Variants in EXOC4 observed in about 807,000 individuals in gnomAD.
EXOC4 encodes exocyst complex component 4.
EXOC4 carries 71 observed loss-of-function variants against 107.2 expected under a neutral mutation model. The ratio of observed to expected loss-of-function variants is 0.66; its 90% CI spans 0.55 to 0.81. EXOC4 has a LOEUF of 0.81. EXOC4 is among the 30% of genes least tolerant of loss of function. EXOC4 has a pLI of 0.00. For synonymous variants in EXOC4, 456 were observed against 441.2 expected (o/e 1.03, Z -0.42); for missense variants, 1,108 against 1,189.6 (o/e 0.93, Z 1.01).
intron 1 of EXOC4, among the ~76,000 whole-genome samples, chr7:133,256,193 G>A (rs750310426): frequency 6.6e-6 from 1 of 152,202 alleles, no homozygotes; most frequent in Non-Finnish European, 1.5e-5. Context: ...ATGTTAGCCA[G>A]GATGGTTTTG....
At chr7:133,255,301 C>G (rs565698583) in intron 1 of EXOC4, among the ~76,000 whole-genome samples, 1 of 152,160 alleles carries the variant, frequency 6.6e-6, no homozygotes, top group Non-Finnish European at 1.5e-5. Flanking sequence ...TTCAGCTTCC[C>G]GCATAGCTGG....
intron 14 of EXOC4, among the ~76,000 whole-genome samples, chr7:133,990,509 G>T (rs1794226784): frequency 6.6e-6 from 1 of 152,156 alleles, no homozygotes; most frequent in Non-Finnish European, 1.5e-5. Context: ...GAGTGCAGTG[G>T]CGCAATCTCG....
At chr7:133,843,510 T>C (rs559362056) in intron 11 of EXOC4, among the ~76,000 whole-genome samples, 3 of 152,336 alleles carry the variant, frequency 2.0e-5, no homozygotes, top group Admixed American at 2.0e-4. Context: ...TTTTTGTACA[T>C]TGATTTTGTA....
chr7:133,965,864 A>G (rs561881287), intron 14 of EXOC4, among the ~76,000 whole-genome samples: 1 of 152,300 alleles, frequency 6.6e-6, no homozygotes, highest in South Asian at 2.1e-4. Flanking sequence ...CCATGAAGAA[A>G]GCCAATGGTA....
chr7:133,462,679 T>G lies in EXOC4; in HGVS notation c.1183-12649T>G, dbSNP rs540145802. On this transcript the variant is annotated intron_variant, in intron 7 of 17. Coordinates refer to ENST00000253861, the MANE Select transcript of EXOC4 (RefSeq NM_021807.4). ...CTCATACCCCAAGCTTTAAAAAAAT[T>G]TTTTATATTTTTCCCTGGTACCTGA... Among the ~76,000 whole-genome samples, 268 of 152,272 alleles carry G rather than the reference T, an allele frequency of 1.8e-3. 1 individual carries two copies. The highest frequency in any genetic ancestry group is 6.0e-3 in the African/African-American group (249 of 41,562).
intron 10 of EXOC4, among the ~76,000 whole-genome samples, chr7:133,697,626 C>T (rs151186806): frequency 2.4e-4 from 36 of 152,282 alleles, no homozygotes; most frequent in African/African-American, 8.4e-4. Flanking sequence ...GTATGGGGAC[C>T]ACTGCGATGG....
intron 10 of EXOC4, among the ~76,000 whole-genome samples, chr7:133,791,312 A>G (rs1796698938): frequency 6.6e-6 from 1 of 152,214 alleles, no homozygotes. Context: ...CTATGAATCA[A>G]TTTATTTATA....
intron 7 of EXOC4, among the ~76,000 whole-genome samples, chr7:133,442,815 GT>G (rs1798133058): frequency 6.6e-6 from 1 of 152,166 alleles, no homozygotes; most frequent in Non-Finnish European, 1.5e-5. Context: ...AGTTTTGTGT[GT>G]TTTGTGTGAC....
At chr7:133,659,891 T>C (rs1263221986) in intron 10 of EXOC4, among the ~76,000 whole-genome samples, 1 of 152,220 alleles carries the variant, frequency 6.6e-6, no homozygotes, top group Non-Finnish European at 1.5e-5. Context: ...AATTTGCTTC[T>C]TAAGCAGGCT....
chr7:133,569,632 A>G (rs1800977166), intron 9 of EXOC4, among the ~76,000 whole-genome samples: 1 of 152,182 alleles, frequency 6.6e-6, no homozygotes, highest in Non-Finnish European at 1.5e-5. Flanking sequence ...TTTCAAATGT[A>G]TATACGTAGG....
At chr7:133,906,145 T>G (rs924387787) in intron 12 of EXOC4, among the ~76,000 whole-genome samples, 1 of 152,204 alleles carries the variant, frequency 6.6e-6, no homozygotes, top group African/African-American at 2.4e-5. Context: ...ATGATCTCAC[T>G]GGCCCCACTG....
downstream of EXOC4, among the ~76,000 whole-genome samples, chr7:134,069,060 G>T (rs185054865): frequency 6.6e-6 from 1 of 151,990 alleles, no homozygotes; most frequent in African/African-American, 2.4e-5. Flanking sequence ...GATTCTCTGT[G>T]ACCACCCTTT....
intron 2 of EXOC4, among the ~76,000 whole-genome samples, chr7:133,288,211 CTT>C (rs1794325420): frequency 1.3e-5 from 2 of 152,096 alleles, no homozygotes; most frequent in African/African-American, 4.8e-5. Context: ...CAAATAAAAA[CTT>C]ATTCCTATCA....
intron 12 of EXOC4, among the ~76,000 whole-genome samples, chr7:133,914,581 C>T (rs572117636): frequency 5.3e-4 from 81 of 152,026 alleles, no homozygotes; most frequent in African/African-American, 1.9e-3. Flanking sequence ...CAAGTAAGAA[C>T]TCAATTTGTA....
chr7:134,062,862 C>T (rs1796097035), intron 17 of EXOC4, among the ~76,000 whole-genome samples: 1 of 152,182 alleles, frequency 6.6e-6, no homozygotes, highest in Non-Finnish European at 1.5e-5. Flanking sequence ...TTGAAGAATC[C>T]CTATAATGCA....
At chr7:134,096,379 A>C in the EXOC4 span, among the ~76,000 whole-genome samples, 4 of 152,186 alleles carry the variant, frequency 2.6e-5, no homozygotes, top group Non-Finnish European at 5.9e-5. Flanking sequence ...TTTCTTCTCT[A>C]CTGGGTAGAG....
At chr7:133,574,748 T>C (rs1585006739) in intron 9 of EXOC4, among the ~76,000 whole-genome samples, 1 of 152,218 alleles carries the variant, frequency 6.6e-6, no homozygotes, top group Non-Finnish European at 1.5e-5. Context: ...TCTCCTCTTC[T>C]TCTCTTCATG....
intron 7 of EXOC4, among the ~76,000 whole-genome samples, chr7:133,414,448 A>G (rs1797429336): frequency 6.6e-6 from 1 of 152,202 alleles, no homozygotes; most frequent in Admixed American, 6.5e-5. Context: ...TCTGCAACTC[A>G]GCCATTCTGC....
At chr7:133,664,875 A>AGATGC (rs1793777086) in intron 10 of EXOC4, among the ~76,000 whole-genome samples, 1 of 152,114 alleles carries the variant, frequency 6.6e-6, no homozygotes, top group Admixed American at 6.5e-5. Context: ...TCTCATCCAA[A>AGATGC]GATGCAAAGA....
Sources: gnomAD v4.1 joint callset for allele counts (sites outside exome capture counted in the v4.1 genomes callset) on GRCh38, gnomAD v4.1.1 for gene constraint, MANE v1.5 for transcripts, NCBI Gene and HGNC (gene_info 2026-07-23, HGNC 2026-07-21) for gene names.